The following BMPR1B variants were observed in gnomAD, a reference collection of about 807,000 sequenced individuals.
The protein encoded by BMPR1B is bone morphogenetic protein receptor type-1B.
Under a neutral mutation model 59.1 loss-of-function variants are expected in BMPR1B, and 12 were observed. The observed-to-expected ratio is 0.20, with a 90% CI of 0.13 to 0.33. BMPR1B has a LOEUF of 0.33. BMPR1B is among the 10% of genes least tolerant of loss of function. The probability of loss-of-function intolerance (pLI) is 1.00; values close to 1 mark genes in which losing one functional copy is unlikely to be tolerated. For synonymous variants in BMPR1B, 237 were observed against 207.3 expected (o/e 1.14, Z -1.23); for missense variants, 550 against 610.9 (o/e 0.90, Z 1.05).
At chr4:95,094,589 G>C (rs1274617966) in intron 3 of BMPR1B, among the ~76,000 whole-genome samples, 1 of 151,998 alleles carries the variant, frequency 6.6e-6, no homozygotes, top group African/African-American at 2.4e-5. Flanking sequence ...GCTTTATGTG[G>C]ATTTCTCCTC....
chr4:94,843,147 T>C (rs1725165539), intron 1 of BMPR1B, among the ~76,000 whole-genome samples: 1 of 152,164 alleles, frequency 6.6e-6, no homozygotes, highest in African/African-American at 2.4e-5. Context: ...CAAAATCACA[T>C]AGTTAGTAAA....
chr4:95,061,334 G>T (rs1478716108), intron 3 of BMPR1B, among the ~76,000 whole-genome samples: 1 of 152,048 alleles, frequency 6.6e-6, no homozygotes, highest in Admixed American at 6.6e-5. Context: ...GTCATGCATG[G>T]GCTACATCTG....
intron 1 of BMPR1B, among the ~76,000 whole-genome samples, chr4:94,868,984 G>C (rs1726366287): frequency 6.6e-6 from 1 of 152,002 alleles, no homozygotes; most frequent in Non-Finnish European, 1.5e-5. Flanking sequence ...TTAAATGTTA[G>C]AGTGCTCTGA....
rs1484223835 is a variant in BMPR1B at position 94,838,115 on chromosome 4, A to G, written c.-182-37716A>G. Among the ~76,000 whole-genome samples, 37 of 142,946 alleles carry G rather than the reference A, an allele frequency of 2.6e-4. 3 individuals carry two copies. The highest frequency in any genetic ancestry group is 9.3e-4 in the South Asian group (4 of 4,316). The allele number at this position is 142,946 out of a possible 152,430, so 93.8% of individuals were successfully genotyped here. ...TGCATCCCAGGGATGAAGCCCACTT[A>G]ATCATGGTGGATAAGCTTTTTGATG... On this transcript the variant is annotated intron_variant, in intron 1 of 12. Transcript: ENST00000515059.
chr4:95,066,689 C>A (rs1727831557), intron 3 of BMPR1B, among the ~76,000 whole-genome samples: 1 of 152,174 alleles, frequency 6.6e-6, no homozygotes, highest in Non-Finnish European at 1.5e-5. Flanking sequence ...GTGGTCCCTG[C>A]AGTGGCATTA....
chr4:95,015,900 C>A (rs1459855625), intron 3 of BMPR1B, among the ~76,000 whole-genome samples: 1 of 152,136 alleles, frequency 6.6e-6, no homozygotes, highest in African/African-American at 2.4e-5. Context: ...ACCATGTTGG[C>A]CAGTATGGTC....
intron 3 of BMPR1B, among the ~76,000 whole-genome samples, chr4:95,096,919 A>G (rs1269962554): frequency 7.0e-6 from 1 of 142,644 alleles, no homozygotes; most frequent in African/African-American, 2.6e-5. Context: ...ATTTAAATAT[A>G]TATTAAATCA....
At chr4:95,121,399 C>T (rs778840616) in intron 6 of BMPR1B, among the ~76,000 whole-genome samples, 2 of 152,132 alleles carry the variant, frequency 1.3e-5, no homozygotes, top group African/African-American at 2.4e-5. Context: ...AAGCGCATCA[C>T]GGGGCTGTGC....
chr4:95,103,395 T>C (rs1730963776), intron 3 of BMPR1B: 1 of 950,218 alleles, frequency 1.1e-6, no homozygotes, highest in Admixed American at 6.2e-5. Flanking sequence ...ATCTTAGATT[T>C]CACTATAGAT....
intron 1 of BMPR1B, among the ~76,000 whole-genome samples, chr4:94,819,791 G>A (rs572745742): frequency 7.9e-4 from 121 of 152,298 alleles, no homozygotes; most frequent in African/African-American, 2.7e-3. Flanking sequence ...CTTTTAACAA[G>A]GAGCTCACCC....
At chr4:94,903,868 A>C (rs1477895553) in intron 2 of BMPR1B, among the ~76,000 whole-genome samples, 2 of 151,992 alleles carry the variant, frequency 1.3e-5, no homozygotes. Context: ...AGCCCTGTGG[A>C]CACCTTGATC....
intron 2 of BMPR1B, among the ~76,000 whole-genome samples, chr4:94,943,584 A>T (rs1273950808): frequency 1.3e-5 from 2 of 152,228 alleles, no homozygotes; most frequent in African/African-American, 4.8e-5. Context: ...CCCTGTACCA[A>T]GCAAGTAAGG....
At chr4:95,123,560 C>G (rs567789708) in intron 6 of BMPR1B, among the ~76,000 whole-genome samples, 1 of 152,018 alleles carries the variant, frequency 6.6e-6, no homozygotes, top group Non-Finnish European at 1.5e-5. Context: ...TATCCTGTGT[C>G]GAGCCTGTTC....
chr4:94,985,762 C>T (rs1721368012), intron 2 of BMPR1B, among the ~76,000 whole-genome samples: 1 of 152,154 alleles, frequency 6.6e-6, no homozygotes, highest in South Asian at 2.1e-4. Flanking sequence ...CGAACATTCA[C>T]ACACTGGGCT....
At chr4:94,999,335 T>C (rs1722279360) in intron 3 of BMPR1B, among the ~76,000 whole-genome samples, 1 of 152,106 alleles carries the variant, frequency 6.6e-6, no homozygotes, top group Non-Finnish European at 1.5e-5. Context: ...ATTCATTAGA[T>C]TGAAGGAAAG....
chr4:94,834,308 G>T (rs1025644116), intron 1 of BMPR1B, among the ~76,000 whole-genome samples: 11 of 152,040 alleles, frequency 7.2e-5, no homozygotes, highest in Non-Finnish European at 1.3e-4. Flanking sequence ...TTGTTTGAGG[G>T]TACAGATCAC....
At chr4:95,070,846 C>T (rs1253007868) in intron 3 of BMPR1B, among the ~76,000 whole-genome samples, 1 of 152,140 alleles carries the variant, frequency 6.6e-6, no homozygotes. Context: ...TATCTTAAGA[C>T]AAAACGCCTG....
chr4:94,766,483 G>A (rs866970183), intron 1 of BMPR1B, among the ~76,000 whole-genome samples: 8 of 147,118 alleles, frequency 5.4e-5, no homozygotes, highest in African/African-American at 1.8e-4. Context: ...CCCAGAAAAC[G>A]ACTTCCAGCC....
chr4:95,093,163 A>T (rs1250246185), intron 3 of BMPR1B, among the ~76,000 whole-genome samples: 1 of 152,102 alleles, frequency 6.6e-6, no homozygotes, highest in Non-Finnish European at 1.5e-5. Context: ...GATGTTGCAT[A>T]TTTTTAAATC....
Sources: gnomAD v4.1 joint callset for allele counts (sites outside exome capture counted in the v4.1 genomes callset) on GRCh38, gnomAD v4.1.1 for gene constraint, MANE v1.5 for transcripts, NCBI Gene and HGNC (gene_info 2026-07-23, HGNC 2026-07-21) for gene names.